The following KIF16B variants were observed in gnomAD, a reference collection of about 807,000 sequenced individuals.
KIF16B encodes kinesin-like protein KIF16B.
In KIF16B, 98 loss-of-function variants were observed where a neutral mutation model predicts 156.3. The observed-to-expected ratio is 0.63, with a 90% confidence interval of 0.53 to 0.74. KIF16B has a LOEUF of 0.74. Among genes scored for constraint, KIF16B ranks in the 30% least tolerant of loss-of-function variants. The pLI, the probability that KIF16B is intolerant of heterozygous loss-of-function variation, is 0.00. For synonymous variants in KIF16B, 564 were observed against 583.7 expected, an observed-to-expected ratio of 0.97 and a Z score of 0.49; for missense variants, 1,421 against 1,606.5, an observed-to-expected ratio of 0.88 and a Z score of 1.97.
intron 15 of KIF16B, among the ~76,000 whole-genome samples, chr20:16,410,198 TATGTAGGTACATATAC>T (rs1330388093): frequency 2.3e-4 from 34 of 146,520 alleles, no homozygotes; most frequent in Non-Finnish European, 2.9e-4. Context: ...CATATACATA[TATGTAGGTACATATAC>T]ATGTAGGTAC....
chr20:16,511,394 T>A (rs1394785879), intron 6 of KIF16B, 24 bp downstream of exon 6: 1 of 1,225,062 alleles, frequency 8.2e-7, no homozygotes, highest in African/African-American at 1.5e-5. Context: ...AAAAAGAATA[T>A]GGCTGTGAAA....
intron 25 of KIF16B, among the ~76,000 whole-genome samples, chr20:16,279,685 T>C (rs1406426819): frequency 2.0e-5 from 3 of 152,104 alleles, no homozygotes; most frequent in Non-Finnish European, 4.4e-5. Flanking sequence ...TTCAGATAGG[T>C]CAGAGTATCC....
intron 10 of KIF16B, among the ~76,000 whole-genome samples, chr20:16,501,354 C>CTTGGTTCAATACCAAGAATTGAATTA (rs1175435027): frequency 1.2e-5 from 1 of 84,604 alleles, no homozygotes; most frequent in African/African-American, 3.9e-5. Context: ...GAATTGAATT[C>CTTGGTTCAATACCAAGAATTGAATTA]TTGGTTCAAT....
At chr20:16,384,794 CACTT>C (rs2065189150) in intron 17 of KIF16B, among the ~76,000 whole-genome samples, 2 of 152,228 alleles carry the variant, frequency 1.3e-5, no homozygotes, top group South Asian at 4.2e-4. Context: ...CACTGACTGT[CACTT>C]ACTGATCAGG....
chr20:16,537,704 G>GTTTTT (rs1171475559), intron 1 of KIF16B, among the ~76,000 whole-genome samples: 35 of 101,552 alleles, frequency 3.4e-4, no homozygotes, highest in East Asian at 5.8e-4. Context: ...TCTTTTTTTC[G>GTTTTT]TTTTTTTTTT....
At chr20:16,309,458 T>C (rs900105577) in intron 25 of KIF16B, among the ~76,000 whole-genome samples, 6 of 152,176 alleles carry the variant, frequency 3.9e-5, no homozygotes, top group African/African-American at 7.2e-5. Context: ...CTCCAAAACA[T>C]CTGACGACAG....
At chr20:16,458,779 C>T (rs1195531990) in intron 12 of KIF16B, among the ~76,000 whole-genome samples, 4 of 152,012 alleles carry the variant, frequency 2.6e-5, no homozygotes, top group African/African-American at 9.7e-5. Flanking sequence ...CACACACACA[C>T]ATACACGCAC....
At chr20:16,572,111 TTACTC>T (rs1165201039) in intron 1 of KIF16B, among the ~76,000 whole-genome samples, 3 of 152,194 alleles carry the variant, frequency 2.0e-5, no homozygotes, top group Non-Finnish European at 4.4e-5. Context: ...AGTCAAACTC[TTACTC>T]TAAACAGCTT....
At chr20:16,492,372 G>T (rs1443831041) in intron 12 of KIF16B, among the ~76,000 whole-genome samples, 1 of 152,090 alleles carries the variant, frequency 6.6e-6, no homozygotes, top group Non-Finnish European at 1.5e-5. Context: ...AATGACTACA[G>T]GTTTAAAGCA....
At chr20:16,561,900 C>T (rs1023145897) in intron 1 of KIF16B, among the ~76,000 whole-genome samples, 2 of 152,164 alleles carry the variant, frequency 1.3e-5, no homozygotes, top group African/African-American at 4.8e-5. Context: ...CAAACTGTCA[C>T]GTACCAGAGA....
intron 1 of KIF16B, among the ~76,000 whole-genome samples, chr20:16,565,479 T>C (rs557586736): frequency 6.6e-6 from 1 of 152,308 alleles, no homozygotes; most frequent in South Asian, 2.1e-4. Flanking sequence ...GGACCACACT[T>C]GGAGAATCAC....
At chr20:16,398,142 G>A (rs1475827240) in intron 17 of KIF16B, among the ~76,000 whole-genome samples, 2 of 152,236 alleles carry the variant, frequency 1.3e-5, no homozygotes, top group Non-Finnish European at 2.9e-5. Flanking sequence ...AAAGCTTCCT[G>A]AGGATACGAC....
chr20:16,401,287 T>C (rs1420807747), intron 17 of KIF16B, among the ~76,000 whole-genome samples: 2 of 152,174 alleles, frequency 1.3e-5, no homozygotes, highest in African/African-American at 4.8e-5. Context: ...GCCTAGTTCT[T>C]CATTTCAAGA....
At position 16,536,726 on chromosome 20, in the gene KIF16B, C is replaced by T. The variant is rs376460847; in HGVS notation, c.48-8286G>A. Among the ~76,000 whole-genome samples the T allele has an allele frequency of 1.2e-4, 19 of 152,244 alleles. No individual in the cohort carries two copies. In the South Asian group the frequency reaches 2.1e-3, roughly 17 times the overall value. ...CCTTTGCAGATTCCTGGAGAACTGT[C>T]AAACTTCCAAATATTTCAAAGATGA... On this transcript the variant is annotated intron_variant, in intron 1 of 25. Transcript: ENST00000354981.
intron 6 of KIF16B, among the ~76,000 whole-genome samples, chr20:16,508,858 A>G (rs1252504887): frequency 6.6e-6 from 1 of 152,230 alleles, no homozygotes; most frequent in Non-Finnish European, 1.5e-5. Flanking sequence ...GTGTTTTTTA[A>G]ATCATTTTAA....
intron 23 of KIF16B, among the ~76,000 whole-genome samples, chr20:16,345,100 C>T (rs189953717): frequency 1.2e-4 from 18 of 152,326 alleles, no homozygotes; most frequent in African/African-American, 4.3e-4. Context: ...TCTGCACTCA[C>T]TGAAATCCAC....
chr20:16,427,824 A>G (rs1467456307), intron 14 of KIF16B, among the ~76,000 whole-genome samples: 1 of 152,128 alleles, frequency 6.6e-6, no homozygotes, highest in African/African-American at 2.4e-5. Context: ...TGCAGCTGCT[A>G]AAGTTTATCT....
intron 1 of KIF16B, among the ~76,000 whole-genome samples, chr20:16,531,640 G>A (rs1195096614): frequency 6.6e-6 from 1 of 152,214 alleles, no homozygotes; most frequent in Non-Finnish European, 1.5e-5. Flanking sequence ...TCAGGTGGGG[G>A]AATCGGTAAA....
intron 25 of KIF16B, among the ~76,000 whole-genome samples, chr20:16,311,264 G>A (rs1375052717): frequency 6.6e-6 from 1 of 152,200 alleles, no homozygotes; most frequent in Non-Finnish European, 1.5e-5. Flanking sequence ...GGAGGCGGGA[G>A]GATGGCTTGA....
Sources: gnomAD v4.1 joint callset for allele counts (sites outside exome capture counted in the v4.1 genomes callset) on GRCh38, gnomAD v4.1.1 for gene constraint, MANE v1.5 for transcripts, NCBI Gene and HGNC (gene_info 2026-07-23, HGNC 2026-07-21) for gene names.